GPR176: variants seen among roughly 807,000 people sequenced by gnomAD.
GPR176 encodes the protein G-protein coupled receptor 176.
GPR176 carries 26 observed loss-of-function variants against 35.4 expected under a neutral mutation model. That is an observed-to-expected ratio of 0.74 (90% confidence interval 0.54 to 1.02). GPR176 has a LOEUF of 1.02. Ranked by LOEUF, GPR176 falls within the 50% of genes least tolerant of loss-of-function variation. The probability of loss-of-function intolerance (pLI) is 0.00; values close to 1 mark genes in which losing one functional copy is unlikely to be tolerated. For missense variants in GPR176, 597 were observed against 665.3 expected, an observed-to-expected ratio of 0.90 and a Z score of 1.13; for synonymous variants, 278 against 271.3, an observed-to-expected ratio of 1.02 and a Z score of -0.24.
At chr15:39,913,900 G>C (rs974339322) in intron 1 of GPR176, among the ~76,000 whole-genome samples, 2 of 152,258 alleles carry the variant, frequency 1.3e-5, no homozygotes, top group East Asian at 1.9e-4. Flanking sequence ...CAAAACATTA[G>C]CCGGGCATGG....
At chr15:39,845,673 G>A (rs1222618608) in intron 1 of GPR176, among the ~76,000 whole-genome samples, 1 of 152,028 alleles carries the variant, frequency 6.6e-6, no homozygotes, top group African/African-American at 2.4e-5. Flanking sequence ...GGGAAGGGCA[G>A]GTCTGTCTGA....
Position 39,807,024 on chromosome 15 carries a change from G to A in GPR176, c.407C>T (p.Pro136Leu), listed in dbSNP as rs1899236162. Residue 136 changes from proline (P) to leucine (L), a missense_variant, in exon 2 of 3, where the codon CCT becomes CTT. Pro to Leu is a moderately conservative substitution (Grantham distance 98). This residue lies in a region of GPR176 where 220 missense variants were observed against 297.6 expected (regional missense o/e 0.74). Transcript: ENST00000561100. The stretch of plus-strand genomic sequence containing the variant: ...ATCTTACCTGTCCAAAGCAATAGCA[G>A]GGAAGCTGAGGATGGTCACAGAGCA... Reference protein sequence around the residue: ...VFCSVTILSFPAIALDRYYSV... With the variant: ...VFCSVTILSFLAIALDRYYSV... The A allele has an allele frequency of 6.2e-7, 1 of 1,613,234 alleles. No homozygotes were observed. Among genetic ancestry groups the A allele is most frequent in the Admixed American group, 1.7e-5 (1 of 59,838 alleles).
chr15:39,859,280 T>C (rs1194793849), intron 1 of GPR176, among the ~76,000 whole-genome samples: 1 of 151,974 alleles, frequency 6.6e-6, no homozygotes, highest in Non-Finnish European at 1.5e-5. Context: ...GTTATATGTA[T>C]ATCCAGAATA....
At chr15:39,872,355 T>C (rs1286565823) in intron 1 of GPR176, among the ~76,000 whole-genome samples, 2 of 151,872 alleles carry the variant, frequency 1.3e-5, no homozygotes, top group Non-Finnish European at 2.9e-5. Flanking sequence ...ACAGAGAAGA[T>C]GGGGAGTATG....
chr15:39,801,813 C>G lies in GPR176; in HGVS notation c.867G>C (p.Gln289His). 1 of 1,613,942 alleles carries G rather than the reference C, an allele frequency of 6.2e-7. No individual in the cohort carries two copies. Residue 289 changes from glutamine to histidine, a missense_variant, in exon 3 of 3, where the codon CAG becomes CAC. By Grantham distance (24) the Gln-to-His change is conservative (BLOSUM62 0). Coordinates refer to ENST00000561100, the MANE Select transcript of GPR176 (RefSeq NM_007223.3). Reference protein sequence around the residue: ...SVPYATLVVYQTVLNVPDTSV... With the variant: ...SVPYATLVVYHTVLNVPDTSV... ...AAGTGTCAGGGACATTGAGCACAGT[C>G]TGGTAGACGACCAGGGTGGCATAGG...
chr15:39,869,273 G>A (rs915751988), intron 1 of GPR176, among the ~76,000 whole-genome samples: 1 of 151,956 alleles, frequency 6.6e-6, no homozygotes, highest in Non-Finnish European at 1.5e-5. Context: ...CTTAGGTTAG[G>A]TGAAATAAAA....
Position 39,920,122 on chromosome 15 carries a change from G to T in GPR176, c.-96C>A. The T allele has an allele frequency of 1.1e-6, 1 of 869,904 alleles. No homozygotes were observed. The highest frequency in any genetic ancestry group is 1.5e-6 in the Non-Finnish European group (1 of 646,176). The allele number at this position is 869,904 out of a possible 1,614,324, so 53.9% of individuals were successfully genotyped here. A position where few individuals can be genotyped will look rare whatever the true frequency, so the allele number is the denominator to read the frequency against. ...GTGAGGAGGGACGCGCGGGCGCCTGGCGGAGTCCTGGAGAAGCCGGAGCAG... is the reference window on the plus strand; with the variant it reads ...GTGAGGAGGGACGCGCGGGCGCCTGTCGGAGTCCTGGAGAAGCCGGAGCAG... On this transcript the variant is annotated 5_prime_UTR_variant, in exon 1 of 3. Transcript: ENST00000561100.
In GPR176 at chr15:39,812,447, G is replaced by A. The variant is rs189167715; in HGVS notation, c.173-5189C>T. Reference sequence around the variant, plus strand: ...CCTGCCCTTAAATATCAGAATCCACGTTCTTCAGCTTTTGGACTCTTGGAC... The same window carrying A: ...CCTGCCCTTAAATATCAGAATCCACATTCTTCAGCTTTTGGACTCTTGGAC... On this transcript the variant is annotated intron_variant, in intron 1 of 2. Transcript: ENST00000561100. 2.4e-4 allele frequency among the ~76,000 whole-genome samples: 36 copies of A among 152,284 alleles called. 1 individual carries two copies. The highest frequency in any genetic ancestry group is 3.4e-4 in the Non-Finnish European group (23 of 68,018).
At chr15:39,855,216 T>G (rs1262624943) in intron 1 of GPR176, among the ~76,000 whole-genome samples, 1 of 152,182 alleles carries the variant, frequency 6.6e-6, no homozygotes, top group Non-Finnish European at 1.5e-5. Flanking sequence ...CTCCATGTAT[T>G]ACAATGACAA....
At position 39,801,672 on chromosome 15, in the gene GPR176, C is replaced by T. The variant is rs200304296; in HGVS notation, c.1008G>A (p.Val336=). The change falls in exon 3 of 3, where the codon GTG becomes GTA. Residue 336 remains valine, a synonymous_variant. Coordinates refer to ENST00000561100, the MANE Select transcript of GPR176 (RefSeq NM_007223.3). ...GGCGACTGTACCGGTGGTGTAGTTG[C>T]ACCAGGGTCCCTATCAAGCACTTGC... ...SVRKCLIGTL[V]QLHHRYSRRN... 9.9e-6 allele frequency: 16 copies of T among 1,613,814 alleles called. No homozygotes were observed. In the African/African-American group the frequency reaches 1.7e-4, roughly 17 times the overall value.
chr15:39,852,067 A>T (rs2030913315), intron 1 of GPR176, among the ~76,000 whole-genome samples: 1 of 152,174 alleles, frequency 6.6e-6, no homozygotes, highest in Non-Finnish European at 1.5e-5. Flanking sequence ...GGTCCTACAT[A>T]TCCCTTTCTT....
At position 39,911,044 on chromosome 15, in the gene GPR176, AAAAT is replaced by A. The variant is rs2033564252; in HGVS notation, c.172+8807_172+8810del. On this transcript the variant is annotated intron_variant, in intron 1 of 2. Transcript: ENST00000561100. ...GAGTGAGACTCTGTATCAAAAAAAT[AAAAT>A]AAATAAAATAAAATAAAATAAAATA... Among the ~76,000 whole-genome samples the A allele has an allele frequency of 3.3e-5, 5 of 151,854 alleles. No homozygotes were observed. The South Asian group carries it at 6.2e-4, about 19-fold the overall frequency.
intron 1 of GPR176, among the ~76,000 whole-genome samples, chr15:39,840,412 C>T (rs1171435149): frequency 6.6e-6 from 1 of 152,114 alleles, no homozygotes; most frequent in African/African-American, 2.4e-5. Context: ...TGTTCTCACT[C>T]ATAGGCGGGA....
intron 1 of GPR176, among the ~76,000 whole-genome samples, chr15:39,874,961 G>C (rs1232142449): frequency 6.6e-6 from 1 of 152,226 alleles, no homozygotes; most frequent in East Asian, 1.9e-4. Context: ...GAGATCACTT[G>C]AACCTGGGAG....
At chr15:39,838,936 A>G (rs1366829961) in intron 1 of GPR176, among the ~76,000 whole-genome samples, 2 of 152,206 alleles carry the variant, frequency 1.3e-5, no homozygotes, top group Non-Finnish European at 2.9e-5. Context: ...AGAAAACCCC[A>G]ACATCTCAGC....
chr15:39,803,384 A>G (rs1435723658), intron 2 of GPR176, among the ~76,000 whole-genome samples: 1 of 143,512 alleles, frequency 7.0e-6, no homozygotes, highest in East Asian at 2.1e-4. Flanking sequence ...GGTTCAAGCC[A>G]TTCTCCTGCC....
chr15:39,805,148 G>C (rs1157985135), intron 2 of GPR176, among the ~76,000 whole-genome samples: 1 of 152,054 alleles, frequency 6.6e-6, no homozygotes, highest in Non-Finnish European at 1.5e-5. Context: ...TACCACAGCA[G>C]GTACTACCAG....
At chr15:39,837,902 C>G (rs993934144) in intron 1 of GPR176, among the ~76,000 whole-genome samples, 1 of 151,154 alleles carries the variant, frequency 6.6e-6, no homozygotes, top group Admixed American at 6.6e-5. Context: ...GTCTGTAATC[C>G]CAGCACTTGG....
At chr15:39,806,976 A>T in intron 2 of GPR176, 30 bp downstream of exon 2, 1 of 1,557,686 alleles carries the variant, frequency 6.4e-7, no homozygotes, top group Non-Finnish European at 8.6e-7. Flanking sequence ...ACTTAAAAAA[A>T]AAAGTTAGCT....
Sources: gnomAD v4.1 joint callset for allele counts (sites outside exome capture counted in the v4.1 genomes callset) on GRCh38, gnomAD v4.1.1 for gene constraint, gnomAD v4.1.1 regional missense constraint, MANE v1.5 for transcripts, NCBI Gene and HGNC (gene_info 2026-07-23, HGNC 2026-07-21) for gene names.